The following C1orf87 variants were observed in gnomAD, a reference collection of about 807,000 sequenced individuals.
C1orf87 encodes chromosome 1 open reading frame 87.
C1orf87 carries 58 observed loss-of-function variants against 60.5 expected under a neutral mutation model. The ratio of observed to expected loss-of-function variants is 0.96; its 90% CI spans 0.78 to 1.19. C1orf87 has a LOEUF of 1.19. C1orf87 is among the 50% of genes most tolerant of loss of function. The pLI, the probability that C1orf87 is intolerant of heterozygous loss-of-function variation, is 0.00. For missense variants in C1orf87, 673 were observed against 638.6 expected, an observed-to-expected ratio of 1.05 and a Z score of -0.58; for synonymous variants, 236 against 227.4, an observed-to-expected ratio of 1.04 and a Z score of -0.34.
chr1:59,999,646 C>T (rs1399058514), intron 10 of C1orf87, among the ~76,000 whole-genome samples: 2 of 152,150 alleles, frequency 1.3e-5, no homozygotes, highest in African/African-American at 4.8e-5. Context: ...ACATCCTTCA[C>T]TGTTTTGGTC....
At chr1:60,042,181 A>T (rs932700436) in intron 3 of C1orf87, among the ~76,000 whole-genome samples, 15 of 152,214 alleles carry the variant, frequency 9.9e-5, no homozygotes, top group African/African-American at 3.6e-4. Flanking sequence ...ACCATATCTG[A>T]TTAAAACAAA....
At chr1:60,073,179 CTG>C (rs1645595549) in intron 1 of C1orf87, among the ~76,000 whole-genome samples, 1 of 152,176 alleles carries the variant, frequency 6.6e-6, no homozygotes, top group African/African-American at 2.4e-5. Context: ...TGAAGGGAGA[CTG>C]TACACAAGAC....
At chr1:60,017,431 A>G (rs557290894) in intron 8 of C1orf87, among the ~76,000 whole-genome samples, 1 of 152,306 alleles carries the variant, frequency 6.6e-6, no homozygotes, top group East Asian at 1.9e-4. Context: ...TGTGTATGAT[A>G]AGTCCTACTT....
intron 6 of C1orf87, 22 bp downstream of exon 6, chr1:60,037,970 T>C: frequency 6.5e-7 from 1 of 1,532,622 alleles, no homozygotes; most frequent in Non-Finnish European, 9.0e-7. Context: ...AACAATACCC[T>C]CACAAAAAGG....
At chr1:60,023,034 A>T (rs1443390015) in intron 8 of C1orf87, among the ~76,000 whole-genome samples, 1 of 152,182 alleles carries the variant, frequency 6.6e-6, no homozygotes, top group Non-Finnish European at 1.5e-5. Context: ...TTTTCAGATC[A>T]TAGGTAACTG....
In C1orf87 at chr1:60,025,432, G is replaced by T; in HGVS notation, c.1096C>A (p.His366Asn). Residue 366 changes from histidine (H) to asparagine (N), a missense_variant, in exon 8 of 12, where the codon CAT becomes AAT. His to Asn is a moderately conservative substitution (Grantham distance 68). Transcript: ENST00000371201. ...TLSLLETLLN[H>N]QDLGYQNEIK... ...TCATTTTGGTAACCCAAATCTTGAT[G>T]GTTAAGCAATGTTTCCAGCAGGCTC... 6.2e-7 allele frequency: 1 copy of T among 1,613,186 alleles called. No homozygotes were observed. The highest frequency in any genetic ancestry group is 8.5e-7 in the Non-Finnish European group (1 of 1,179,522).
intron 7 of C1orf87, among the ~76,000 whole-genome samples, chr1:60,026,626 T>C (rs1448471394): frequency 1.3e-5 from 2 of 151,996 alleles, no homozygotes; most frequent in Non-Finnish European, 1.5e-5. Context: ...AAAAAAGAAA[T>C]GTCAAGTTTA....
intron 3 of C1orf87, among the ~76,000 whole-genome samples, chr1:60,044,190 C>A (rs535295976): frequency 6.6e-6 from 1 of 151,922 alleles, no homozygotes; most frequent in African/African-American, 2.4e-5. Flanking sequence ...CCACCATGCC[C>A]GGCTAATTTT....
intron 8 of C1orf87, among the ~76,000 whole-genome samples, chr1:60,015,336 T>G (rs899723957): frequency 1.3e-5 from 2 of 152,194 alleles, no homozygotes; most frequent in African/African-American, 4.8e-5. Context: ...CTAAATCTGC[T>G]TCTGTCTTGA....
intron 7 of C1orf87, among the ~76,000 whole-genome samples, chr1:60,026,561 GGAGA>G (rs148788047): frequency 4.6e-5 from 7 of 151,108 alleles, no homozygotes; most frequent in African/African-American, 9.7e-5. Flanking sequence ...AACAAGGGAG[GGAGA>G]GAGAGAGAGG....
At chr1:60,061,611 C>T (rs1645496877) in intron 2 of C1orf87, among the ~76,000 whole-genome samples, 1 of 151,582 alleles carries the variant, frequency 6.6e-6, no homozygotes, top group Non-Finnish European at 1.5e-5. Flanking sequence ...CTTCTCAACC[C>T]CAGGAAATTG....
intron 9 of C1orf87, chr1:60,008,743 A>C (rs1645063348): frequency 2.2e-6 from 1 of 451,958 alleles, no homozygotes; most frequent in African/African-American, 2.0e-5. Flanking sequence ...ACGTGACATC[A>C]CTTCAATGGT....
intron 7 of C1orf87, among the ~76,000 whole-genome samples, chr1:60,027,723 A>G (rs1645209499): frequency 6.6e-6 from 1 of 151,480 alleles, no homozygotes; most frequent in African/African-American, 2.4e-5. Context: ...AAAGAGGGGA[A>G]AAAAAAAAGA....
At chr1:59,999,486 G>T (rs932714396) in intron 10 of C1orf87, among the ~76,000 whole-genome samples, 1 of 152,044 alleles carries the variant, frequency 6.6e-6, no homozygotes, top group East Asian at 1.9e-4. Context: ...GAGATCACAG[G>T]TGCCCTTGGA....
At chr1:60,021,494 G>C (rs1025627504) in intron 8 of C1orf87, among the ~76,000 whole-genome samples, 6 of 152,022 alleles carry the variant, frequency 3.9e-5, no homozygotes, top group African/African-American at 1.4e-4. Context: ...CATGAGATAG[G>C]GACTGGGAAG....
intron 3 of C1orf87, among the ~76,000 whole-genome samples, chr1:60,050,052 T>C (rs1477174434): frequency 6.6e-6 from 1 of 152,120 alleles, no homozygotes. Flanking sequence ...CCATTATTCA[T>C]AGTGCTGCTC....
chr1:60,042,982 A>G (rs868831787), intron 3 of C1orf87, among the ~76,000 whole-genome samples: 1 of 152,218 alleles, frequency 6.6e-6, no homozygotes, highest in African/African-American at 2.4e-5. Context: ...TAGGCTTGCA[A>G]CATAAGTCAG....
rs988164448 is a variant in C1orf87 at position 60,008,880 on chromosome 1, T to C, written c.1192+1512A>G. 12 of 346,630 alleles carry C rather than the reference T, an allele frequency of 3.5e-5. No individual in the cohort carries two copies. The East Asian group carries it at 4.8e-4, about 14-fold the overall frequency. 21.5% of individuals were successfully genotyped at this position (346,630 alleles called of 1,614,324 possible). A position where few individuals can be genotyped will look rare whatever the true frequency, so the allele number is the denominator to read the frequency against. On this transcript the variant is annotated intron_variant, in intron 9 of 11. Transcript: ENST00000371201. The stretch of plus-strand genomic sequence containing the variant: ...CCTCTGAAATCCTTCCTCCAGCTGC[T>C]TGGCATTTCCGTGGAGACCCTAGAA...
In C1orf87 at chr1:60,055,349, G is replaced by A; in HGVS notation, c.197C>T (p.Pro66Leu). The A allele has an allele frequency of 8.1e-6, 13 of 1,614,118 alleles. No homozygotes were observed. Among genetic ancestry groups the A allele is most frequent in the Non-Finnish European group, 1.1e-5 (13 of 1,180,012 alleles). ...DNARQMSRDT[P>L]VPINFTDQQT... is the part of the protein sequence containing the mutation. ...CTGATCAGTGAAGTTAATGGGAACT[G>A]GGGTGTCTCTGCTCATCTGCCTTGC... Residue 66 changes from proline (P) to leucine (L), a missense_variant, in exon 3 of 12, where the codon CCA (proline) becomes CTA (leucine). Transcript: ENST00000371201.
Sources: allele counts gnomAD v4.1 joint callset (sites outside exome capture counted in the v4.1 genomes callset), GRCh38; gene constraint gnomAD v4.1.1; transcripts MANE v1.5; gene names NCBI Gene and HGNC (gene_info 2026-07-23, HGNC 2026-07-21).